Variants in PLPPR4 observed in about 807,000 individuals in gnomAD.
PLPPR4 encodes the protein phospholipid phosphatase-related protein type 4.
Under a neutral mutation model 56.6 loss-of-function variants are expected in PLPPR4, and 24 were observed. That is an observed-to-expected ratio of 0.42 (90% CI 0.31 to 0.60). The LOEUF (loss-of-function observed/expected upper bound fraction) is 0.60. PLPPR4 is among the 20% of genes least tolerant of loss of function. PLPPR4 has a pLI of 0.13. For missense variants in PLPPR4, 654 were observed against 885.8 expected, an observed-to-expected ratio of 0.74 and a Z score of 3.32; for synonymous variants, 326 against 328.1, an observed-to-expected ratio of 0.99 and a Z score of 0.07.
Position 99,288,004 on chromosome 1 carries a change from C to T in PLPPR4, c.118C>T (p.Leu40Phe). 1 of 1,613,256 alleles carries T rather than the reference C, an allele frequency of 6.2e-7. No homozygotes were observed. The highest frequency in any genetic ancestry group is 1.1e-5 in the South Asian group (1 of 90,988). The change falls in exon 2 of 7, where the codon CTC (leucine) becomes TTC (phenylalanine). Residue 40 changes from leucine to phenylalanine, a missense_variant. By Grantham distance (22) the Leu-to-Phe change is conservative (BLOSUM62 0). Around this residue, in one of 2 missense-constraint regions of PLPPR4, gnomAD observed 186 missense variants for 331.4 expected, o/e 0.56. Transcript: ENST00000370185. ...LASSVVSLYF[L>F]ELTDVFKPVH... is the part of the protein sequence containing the mutation. ...ATCATCGGTGGTTAGCCTCTATTTC[C>T]TCGAACTCACAGATGTCTTCAAACC...
intron 1 of PLPPR4, 81 bp downstream of exon 1, chr1:99,264,752 G>A (rs1344484987): frequency 1.4e-6 from 2 of 1,474,428 alleles, no homozygotes; most frequent in African/African-American, 1.4e-5. Flanking sequence ...CAGTGTTGGA[G>A]GCGCAGAGAT....
intron 4 of PLPPR4, among the ~76,000 whole-genome samples, 175 bp from the exon 5 acceptor site, chr1:99,300,734 G>C (rs1215287494): frequency 6.6e-6 from 1 of 152,038 alleles, no homozygotes; most frequent in Non-Finnish European, 1.5e-5. Flanking sequence ...ATGGTGATTA[G>C]CAGCATTTAT....
chr1:99,302,658 T>TC (rs913074925), intron 6 of PLPPR4, among the ~76,000 whole-genome samples: 10 of 96,544 alleles, frequency 1.0e-4, no homozygotes, highest in African/African-American at 4.1e-4. Flanking sequence ...AAGCTATCCC[T>TC]CCCCCCTCCC....
chr1:99,292,304 A>G (rs1431779357), intron 2 of PLPPR4, among the ~76,000 whole-genome samples: 1 of 152,184 alleles, frequency 6.6e-6, no homozygotes, highest in Non-Finnish European at 1.5e-5. Flanking sequence ...TGGTGTCATC[A>G]CTGTGTGCCT....
chr1:99,290,082 G>C (rs1285303807), intron 2 of PLPPR4, among the ~76,000 whole-genome samples: 4 of 152,070 alleles, frequency 2.6e-5, no homozygotes, highest in Non-Finnish European at 5.9e-5. Flanking sequence ...CTGATAAGCA[G>C]CTTCAGCAAA....
intron 2 of PLPPR4, among the ~76,000 whole-genome samples, chr1:99,294,713 A>T (rs1659700766): frequency 6.6e-6 from 1 of 151,074 alleles, no homozygotes. Context: ...AAAAAAAAAA[A>T]CTCCTGAAAT....
chr1:99,266,728 C>T (rs540356248), intron 1 of PLPPR4, among the ~76,000 whole-genome samples: 1 of 152,244 alleles, frequency 6.6e-6, no homozygotes, highest in South Asian at 2.1e-4. Flanking sequence ...AAAGACAGAG[C>T]CACACAATTG....
At chr1:99,303,823 G>C (rs1391466165) in intron 6 of PLPPR4, among the ~76,000 whole-genome samples, 1 of 152,226 alleles carries the variant, frequency 6.6e-6, no homozygotes, top group East Asian at 1.9e-4. Flanking sequence ...TGGTGTGCCA[G>C]GAATTGTGCA....
Position 99,306,982 on chromosome 1 carries a change from C to T in PLPPR4, c.2120C>T (p.Thr707Ile). ...ENTRNIFYKG[T>I]SPTRAYKD ...ACTAGAAATATCTTCTACAAAGGAA[C>T]CTCCCCCACACGGGCTTATAAGGAT... The change falls in exon 7 of 7, where the codon ACC (threonine) becomes ATC (isoleucine). Residue 707 changes from threonine to isoleucine, a missense_variant. Physicochemically the swap from Thr to Ile is moderately conservative, Grantham distance 89 (BLOSUM62 -1). This residue lies in a region of PLPPR4 where 468 missense variants were observed against 554.3 expected (regional missense o/e 0.84). Coordinates refer to ENST00000370185, the MANE Select transcript of PLPPR4 (RefSeq NM_014839.5). The surrounding 1 kb of genome is among the most constrained non-coding windows in gnomAD (Gnocchi z 4.0). The T allele has an allele frequency of 2.5e-6, 4 of 1,607,258 alleles. No individual in the cohort carries two copies. Among genetic ancestry groups the T allele is most frequent in the Non-Finnish European group, 2.5e-6 (3 of 1,178,984 alleles).
rs200254058 is a variant in PLPPR4 at position 99,264,518 on chromosome 1, G to A, written c.-76G>A. On this transcript the variant is annotated 5_prime_UTR_variant, in exon 1 of 7. Transcript: ENST00000370185. Reference sequence around the variant, plus strand: ...TCAGCGGCGCCGGGCGCTTGGGGCTGGAGGAGGCAGCTCGCCTCAGCTGCG... The same window carrying A: ...TCAGCGGCGCCGGGCGCTTGGGGCTAGAGGAGGCAGCTCGCCTCAGCTGCG... 38 of 1,550,572 alleles carry A rather than the reference G, an allele frequency of 2.5e-5. No individual in the cohort carries two copies. The African/African-American group carries it at 3.7e-4, about 15-fold the overall frequency.
At chr1:99,277,636 C>G (rs888879415) in intron 1 of PLPPR4, among the ~76,000 whole-genome samples, 3 of 151,946 alleles carry the variant, frequency 2.0e-5, no homozygotes, top group Admixed American at 1.3e-4. Context: ...TTTTGCCATT[C>G]TTCTACTAAA....
Position 99,300,901 on chromosome 1 carries a change from T to C in PLPPR4, c.591-8T>C, listed in dbSNP as rs1257409456. 1.2e-5 allele frequency: 19 copies of C among 1,610,172 alleles called. No homozygotes were observed. Among genetic ancestry groups the C allele is most frequent in the Non-Finnish European group, 8.5e-7 (1 of 1,176,892 alleles). Reference sequence around the variant, plus strand: ...ACAAGGCATAATTTGACTATCTTCTTTTGGCAGAAAGTCCTTCCCTTCTCA... The same window carrying C: ...ACAAGGCATAATTTGACTATCTTCTCTTGGCAGAAAGTCCTTCCCTTCTCA... On this transcript the variant is annotated splice_polypyrimidine_tract_variant and splice_region_variant and intron_variant, in intron 4 of 6. Coordinates refer to ENST00000370185, the MANE Select transcript of PLPPR4 (RefSeq NM_014839.5).
At chr1:99,302,417 G>A (rs1184650042) in intron 6 of PLPPR4, among the ~76,000 whole-genome samples, 4 of 152,006 alleles carry the variant, frequency 2.6e-5, no homozygotes, top group Non-Finnish European at 4.4e-5. Context: ...ATGCATGCAT[G>A]CATTCATGCA....
chr1:99,265,917 T>C (rs1432139080), intron 1 of PLPPR4, among the ~76,000 whole-genome samples: 1 of 152,160 alleles, frequency 6.6e-6, no homozygotes, highest in Non-Finnish European at 1.5e-5. Flanking sequence ...GTATGTGACT[T>C]GCATAACTTT....
rs1659888127 is a variant in PLPPR4, at chr1:99,301,738, C to T, written c.663C>T (p.Ser221=). The T allele has an allele frequency of 1.9e-6, 3 of 1,603,586 alleles. No individual in the cohort carries two copies. The highest frequency in any genetic ancestry group is 2.2e-5 in the East Asian group (1 of 44,748). The change falls in exon 6 of 7, where the codon TCC becomes TCT. Residue 221 remains serine (S), a synonymous_variant. Coordinates refer to ENST00000370185, the MANE Select transcript of PLPPR4 (RefSeq NM_014839.5). ...CCATTTTTAAGATGTACTTCAATTC[C>T]ACATTAACGGATTCCTCTAAGCTTC... is the stretch of plus-strand genomic sequence containing the variant. ...AAVYVSMYFN[S]TLTDSSKLLK...
intron 2 of PLPPR4, among the ~76,000 whole-genome samples, chr1:99,289,288 G>C (rs1659556063): frequency 6.6e-6 from 1 of 152,110 alleles, no homozygotes; most frequent in Admixed American, 6.6e-5. Context: ...AGTTTAAGAA[G>C]AGTCTCTGCA....
At chr1:99,286,881 G>A (rs775161211) in intron 1 of PLPPR4, among the ~76,000 whole-genome samples, 9 of 152,134 alleles carry the variant, frequency 5.9e-5, no homozygotes, top group African/African-American at 1.7e-4. Flanking sequence ...AGACTGATGC[G>A]ATCTGAAATA....
Position 99,299,222 on chromosome 1 carries a change from C to T in PLPPR4, c.582C>T (p.Asn194=). Residue 194 remains asparagine, a synonymous_variant, in exon 4 of 7, where the codon AAC becomes AAT. Coordinates refer to ENST00000370185, the MANE Select transcript of PLPPR4 (RefSeq NM_014839.5). ...CAGGATCTGACCTCACAGTTATCAA[C>T]AGTGGCAGGTTAGAAACAGATCTAA... ...ICSGSDLTVI[N]SGRKSFPSQH... is the part of the protein sequence containing the mutation. 6.2e-7 allele frequency: 1 copy of T among 1,612,170 alleles called. No homozygotes were observed. Among genetic ancestry groups the T allele is most frequent in the Non-Finnish European group, 8.5e-7 (1 of 1,178,734 alleles).
At chr1:99,267,460 A>G (rs745939901) in intron 1 of PLPPR4, among the ~76,000 whole-genome samples, 31 of 152,216 alleles carry the variant, frequency 2.0e-4, no homozygotes, top group Non-Finnish European at 4.3e-4. Context: ...TACTTCTCTC[A>G]TCCTTAGTTT....
Sources: allele counts gnomAD v4.1 joint callset (sites outside exome capture counted in the v4.1 genomes callset), GRCh38; gene constraint gnomAD v4.1.1; regional missense constraint gnomAD v4.1.1; non-coding constraint Gnocchi (gnomAD v3.1); transcripts MANE v1.5; gene names NCBI Gene and HGNC (gene_info 2026-07-23, HGNC 2026-07-21).